Variants in ACER2 observed in about 807,000 individuals in gnomAD.
ACER2 encodes the protein alkCDase 2.
Under a neutral mutation model 34.7 loss-of-function variants are expected in ACER2, and 26 were observed. The observed-to-expected ratio is 0.75, with a 90% CI of 0.55 to 1.04. The LOEUF (loss-of-function observed/expected upper bound fraction) is 1.04, where lower values mean the gene tolerates loss of function less well. Ranked by LOEUF, ACER2 falls within the 50% of genes least tolerant of loss-of-function variation. The probability of loss-of-function intolerance (pLI) is 0.00; values close to 1 mark genes in which losing one functional copy is unlikely to be tolerated. For missense variants in ACER2, 352 were observed against 340.8 expected, an observed-to-expected ratio of 1.03 and a Z score of -0.26; for synonymous variants, 138 against 132.1, an observed-to-expected ratio of 1.04 and a Z score of -0.31.
intron 4 of ACER2, among the ~76,000 whole-genome samples, chr9:19,443,748 C>G (rs1238408209): frequency 1.3e-5 from 2 of 152,016 alleles, no homozygotes; most frequent in African/African-American, 2.4e-5. Context: ...CCTCCACAAT[C>G]TGGGTTCAAG....
intron 3 of ACER2, among the ~76,000 whole-genome samples, chr9:19,427,642 T>C (rs901588732): frequency 3.7e-5 from 5 of 136,690 alleles, no homozygotes; most frequent in African/African-American, 5.7e-5. Flanking sequence ...CCTCCTTTCT[T>C]TTCTCTTCTC....
chr9:19,419,226 A>G (rs1250713665), intron 1 of ACER2, among the ~76,000 whole-genome samples: 1 of 152,192 alleles, frequency 6.6e-6, no homozygotes, highest in African/African-American at 2.4e-5. Flanking sequence ...CTGCATATAC[A>G]GTATAGTACT....
At chr9:19,424,394 A>G (rs1418184113) in intron 2 of ACER2, 4 of 985,306 alleles carry the variant, frequency 4.1e-6, no homozygotes, top group African/African-American at 1.7e-5. Context: ...TTAACAGTGA[A>G]GGAATGTTGA....
Position 19,444,959 on chromosome 9 carries a change from C to T in ACER2, c.504-1322C>T, listed in dbSNP as rs184915835. 1.1e-4 allele frequency among the ~76,000 whole-genome samples: 16 copies of T among 152,292 alleles called. No individual in the cohort carries two copies. The East Asian group carries it at 2.7e-3, about 26-fold the overall frequency. On this transcript the variant is annotated intron_variant, in intron 4 of 5. Coordinates refer to ENST00000340967, the MANE Select transcript of ACER2 (RefSeq NM_001010887.3). ...CCTGTCCCACTTTTATTGATGCTTT[C>T]GCTGATGTTTGTGAAAGGCATCTGG... is the stretch of plus-strand genomic sequence containing the variant.
chr9:19,440,777 CTTA>C (rs1463672623), intron 4 of ACER2, among the ~76,000 whole-genome samples: 1 of 152,196 alleles, frequency 6.6e-6, no homozygotes, highest in East Asian at 1.9e-4. Flanking sequence ...GACTCCTAAA[CTTA>C]CGTCTCCAAC....
Position 19,451,403 on chromosome 9 carries a change from A to G in ACER2, c.*767A>G, listed in dbSNP as rs1474990133. On this transcript the variant is annotated 3_prime_UTR_variant, in exon 6 of 6. Coordinates refer to ENST00000340967, the MANE Select transcript of ACER2 (RefSeq NM_001010887.3). ...CTAAAAAGGCTAGTTTTTCACTTGC[A>G]TTTCTCAACTAACCCAGGTTTTACA... 2.0e-5 allele frequency: 3 copies of G among 152,658 alleles called. 1 individual carries two copies. Among genetic ancestry groups the G allele is most frequent in the African/African-American group, 7.2e-5 (3 of 41,456 alleles). The allele number at this position is 152,658 out of a possible 1,614,324, so 9.5% of individuals were successfully genotyped here. A position where few individuals can be genotyped will look rare whatever the true frequency, so the allele number is the denominator to read the frequency against.
At chr9:19,429,968 A>C (rs1830698516) in intron 3 of ACER2, among the ~76,000 whole-genome samples, 1 of 152,128 alleles carries the variant, frequency 6.6e-6, no homozygotes, top group African/African-American at 2.4e-5. Context: ...TCCAGTTCTT[A>C]TGAGACATTT....
chr9:19,447,245 A>C (rs959958443), intron 5 of ACER2, among the ~76,000 whole-genome samples: 1 of 152,214 alleles, frequency 6.6e-6, no homozygotes. Flanking sequence ...GAGGAATTCT[A>C]GTGGTGAAGA....
intron 1 of ACER2, among the ~76,000 whole-genome samples, chr9:19,418,328 C>G (rs1289290968): frequency 6.6e-6 from 1 of 151,980 alleles, no homozygotes; most frequent in East Asian, 1.9e-4. Context: ...ACCATTTGAC[C>G]CAGCAATGCC....
At chr9:19,433,923 A>C (rs1400147263) in intron 3 of ACER2, among the ~76,000 whole-genome samples, 2 of 143,598 alleles carry the variant, frequency 1.4e-5, no homozygotes, top group Admixed American at 6.8e-5. Flanking sequence ...GACCTCCTCC[A>C]GGACGGGGCG....
chr9:19,446,196 C>T, intron 4 of ACER2, 85 bp from the exon 5 acceptor site: 2 of 1,595,188 alleles, frequency 1.3e-6, no homozygotes, highest in Non-Finnish European at 1.7e-6. Context: ...ATGAGAGGAA[C>T]CAGCGAAGGA....
intron 3 of ACER2, among the ~76,000 whole-genome samples, chr9:19,426,898 T>A (rs762912771): frequency 1.3e-5 from 2 of 151,818 alleles, no homozygotes; most frequent in South Asian, 2.1e-4. Context: ...AGAAAAAAAA[T>A]AATGAAAGCA....
chr9:19,439,877 G>A (rs1831092407), intron 4 of ACER2, among the ~76,000 whole-genome samples: 2 of 152,196 alleles, frequency 1.3e-5, no homozygotes, highest in Non-Finnish European at 2.9e-5. Context: ...TGAGGCAGGA[G>A]AATCACTTGA....
intron 5 of ACER2, among the ~76,000 whole-genome samples, chr9:19,449,848 C>T (rs1480897203): frequency 6.9e-6 from 1 of 145,338 alleles, no homozygotes; most frequent in African/African-American, 2.6e-5. Context: ...GCCGAGATTG[C>T]ACCATTGCAC....
In ACER2 at chr9:19,423,998, C is replaced by T. The variant is rs368733738; in HGVS notation, c.223+22C>T. ...GTGGGTAAGTGGAGTCATTTGGGAA[C>T]ACGGACTTAATGGGGTGGTGGGATG... On this transcript the variant is annotated intron_variant, in intron 2 of 5. Coordinates refer to ENST00000340967, the MANE Select transcript of ACER2 (RefSeq NM_001010887.3). The T allele has an allele frequency of 1.9e-6, 3 of 1,554,546 alleles. No individual in the cohort carries two copies. The African/African-American group carries it at 4.1e-5, about 21-fold the overall frequency.
At chr9:19,410,281 G>A (rs990126008) in intron 1 of ACER2, among the ~76,000 whole-genome samples, 3 of 152,324 alleles carry the variant, frequency 2.0e-5, no homozygotes, top group South Asian at 2.1e-4. Flanking sequence ...GGAGGGAGCT[G>A]TCATGCTCAC....
At chr9:19,420,190 T>A (rs991633850) in intron 1 of ACER2, among the ~76,000 whole-genome samples, 5 of 152,208 alleles carry the variant, frequency 3.3e-5, no homozygotes, top group Admixed American at 3.3e-4. Context: ...CTTTGAGACG[T>A]CCTCTAAGTG....
chr9:19,414,460 T>C (rs1830179025), intron 1 of ACER2, among the ~76,000 whole-genome samples: 3 of 152,228 alleles, frequency 2.0e-5, no homozygotes, highest in Admixed American at 2.0e-4. Flanking sequence ...ATTCATAGAA[T>C]GAAGAACTTT....
intron 3 of ACER2, among the ~76,000 whole-genome samples, chr9:19,428,041 TC>T (rs1830630894): frequency 7.7e-6 from 1 of 129,636 alleles, no homozygotes; most frequent in Admixed American, 8.0e-5. Flanking sequence ...TCCTTTCCTT[TC>T]CTTTCCTTTC....
Sources: gnomAD v4.1 joint callset for allele counts (sites outside exome capture counted in the v4.1 genomes callset) on GRCh38, gnomAD v4.1.1 for gene constraint, MANE v1.5 for transcripts, NCBI Gene and HGNC (gene_info 2026-07-23, HGNC 2026-07-21) for gene names.